The following BMP2 variants were observed in gnomAD, a reference collection of about 807,000 sequenced individuals.
BMP2 encodes bone morphogenetic protein 2A.
A neutral mutation model predicts 28.8 loss-of-function variants in BMP2; 2 were observed. The observed-to-expected ratio is 0.07, with a 90% CI of 0.03 to 0.22. The LOEUF (loss-of-function observed/expected upper bound fraction) is 0.22. Among genes scored for constraint, BMP2 ranks in the 10% least tolerant of loss-of-function variants. The pLI, the probability that BMP2 is intolerant of heterozygous loss-of-function variation, is 1.00. For synonymous variants in BMP2, 218 were observed against 204.3 expected, an observed-to-expected ratio of 1.07 and a Z score of -0.57; for missense variants, 437 against 517.7, an observed-to-expected ratio of 0.84 and a Z score of 1.51.
At position 6,779,966 on chromosome 20, in the gene BMP2, T is replaced by C. The variant is rs968185654; in HGVS notation, c.*877T>C. 6.6e-6 allele frequency: 1 copy of C among 152,604 alleles called. No homozygotes were observed. The highest frequency in any genetic ancestry group is 2.4e-5 in the African/African-American group (1 of 41,458). The allele number at this position is 152,604 out of a possible 1,614,324, so 9.5% of individuals were successfully genotyped here. A position where few individuals can be genotyped will look rare whatever the true frequency, so the allele number is the denominator to read the frequency against. On this transcript the variant is annotated 3_prime_UTR_variant, in exon 3 of 3. Transcript: ENST00000378827. ...ACGTAAGATTTCTTCATTATTGATATTGTGGTCATATATATTTAAAATTGA... is the reference window on the plus strand; with the variant it reads ...ACGTAAGATTTCTTCATTATTGATACTGTGGTCATATATATTTAAAATTGA...
rs1018389484 is a variant in BMP2, at chr20:6,768,056, C to A, written c.-827C>A. ...AGCACCTACTGCAGGAGATCGGGGGCCTGGGACGCGCTGGCCGAGGTGTGA... is the reference window on the plus strand; with the variant it reads ...AGCACCTACTGCAGGAGATCGGGGGACTGGGACGCGCTGGCCGAGGTGTGA... On this transcript the variant is annotated 5_prime_UTR_variant, in exon 1 of 3. Transcript: ENST00000378827. 1 of 398,074 alleles carries A rather than the reference C, an allele frequency of 2.5e-6. No homozygotes were observed. Among genetic ancestry groups the A allele is most frequent in the Non-Finnish European group, 4.4e-6 (1 of 225,882 alleles). The allele number at this position is 398,074 out of a possible 1,614,324, so 24.7% of individuals were successfully genotyped here. A position where few individuals can be genotyped will look rare whatever the true frequency, so the allele number is the denominator to read the frequency against.
At chr20:6,772,397 A>G (rs1212326011) in intron 2 of BMP2, among the ~76,000 whole-genome samples, 1 of 152,202 alleles carries the variant, frequency 6.6e-6, no homozygotes, top group African/African-American at 2.4e-5. Flanking sequence ...TTTTGCCCCA[A>G]ATTTCAACTA....
At position 6,768,844 on chromosome 20, in the gene BMP2, G is replaced by A. The variant is rs546017272; in HGVS notation, c.-39G>A. On this transcript the variant is annotated 5_prime_UTR_variant, in exon 1 of 3. The change creates a new upstream start codon in the 5' untranslated region. Transcript: ENST00000378827. ...GCTCTTTCAATGGACGTGTCCCCGC[G>A]TGCTTCTTAGACGGACTGCGGTCTC... 1.3e-5 allele frequency: 5 copies of A among 397,076 alleles called. No individual in the cohort carries two copies. The South Asian group carries it at 6.4e-4, about 51-fold the overall frequency. 24.6% of individuals were successfully genotyped at this position (397,076 alleles called of 1,614,324 possible). A position where few individuals can be genotyped will look rare whatever the true frequency, so the allele number is the denominator to read the frequency against.
At chr20:6,771,071 A>G (rs751903465) in intron 2 of BMP2, among the ~76,000 whole-genome samples, 6 of 152,166 alleles carry the variant, frequency 3.9e-5, no homozygotes, top group Non-Finnish European at 7.3e-5. Context: ...TGTTTCCACA[A>G]TGACTTTCTT....
At chr20:6,771,634 G>A (rs984177154) in intron 2 of BMP2, among the ~76,000 whole-genome samples, 1 of 152,194 alleles carries the variant, frequency 6.6e-6, no homozygotes, top group Admixed American at 6.5e-5. Context: ...GAGAGTATTT[G>A]TTGGTAATGG....
intron 2 of BMP2, 137 bp downstream of exon 2, chr20:6,770,609 G>GC: frequency 1.2e-6 from 1 of 860,362 alleles, no homozygotes; most frequent in Non-Finnish European, 1.7e-6. Flanking sequence ...CTGTACTATC[G>GC]TTTCTGAATC....
At chr20:6,769,005 GA>G (rs1435923907) in intron 1 of BMP2, 130 bp downstream of exon 1, 1 of 396,662 alleles carries the variant, frequency 2.5e-6, no homozygotes, top group Non-Finnish European at 4.4e-6. Flanking sequence ...ACGTGCAACG[GA>G]GCCCTGCAGG....
At chr20:6,776,297 A>G (rs1986499605) in intron 2 of BMP2, among the ~76,000 whole-genome samples, 1 of 152,166 alleles carries the variant, frequency 6.6e-6, no homozygotes, top group Non-Finnish European at 1.5e-5. Context: ...TAATAGGCAC[A>G]AGGGAACCCT....
intron 1 of BMP2, among the ~76,000 whole-genome samples, chr20:6,769,297 G>C (rs192530022): frequency 7.9e-5 from 12 of 152,240 alleles, no homozygotes; most frequent in African/African-American, 2.4e-4. Context: ...CGGGAGACTT[G>C]GTTTCTTTGC....
Position 6,779,141 on chromosome 20 carries a change from AAG to A in BMP2, c.*54_*55del. The A allele has an allele frequency of 1.0e-6, 1 of 957,302 alleles. No homozygotes were observed. Among genetic ancestry groups the A allele is most frequent in the Non-Finnish European group, 1.3e-6 (1 of 754,260 alleles). 59.3% of individuals were successfully genotyped at this position (957,302 alleles called of 1,614,324 possible). Reference sequence around the variant, plus strand: ...ATATATATATATATATTTTAGAAAAAAGAAAAAAACAAACAAACAAAAAAACC... The same window carrying A: ...ATATATATATATATATTTTAGAAAAAAAAAAAACAAACAAACAAAAAAACC... On this transcript the variant is annotated 3_prime_UTR_variant, in exon 3 of 3. Coordinates refer to ENST00000378827, the MANE Select transcript of BMP2 (RefSeq NM_001200.4).
intron 2 of BMP2, among the ~76,000 whole-genome samples, chr20:6,772,206 C>T (rs944469015): frequency 7.2e-5 from 11 of 152,138 alleles, no homozygotes; most frequent in Non-Finnish European, 1.5e-4. Context: ...ACAGGCTACA[C>T]GTTATTCAAC....
rs1471309938 is a variant in BMP2, at chr20:6,779,302, G to C, written c.*213G>C. On this transcript the variant is annotated 3_prime_UTR_variant, in exon 3 of 3. Coordinates refer to ENST00000378827, the MANE Select transcript of BMP2 (RefSeq NM_001200.4). Reference sequence around the variant, plus strand: ...TGGGAAAACAAATATTTTAATCAGAGAATTATTCCTTAAAGATTTAAAATG... The same window carrying C: ...TGGGAAAACAAATATTTTAATCAGACAATTATTCCTTAAAGATTTAAAATG... 1 of 181,664 alleles carries C rather than the reference G, an allele frequency of 5.5e-6. No homozygotes were observed. Among genetic ancestry groups the C allele is most frequent in the Admixed American group, 6.1e-5 (1 of 16,348 alleles). 11.3% of individuals were successfully genotyped at this position (181,664 alleles called of 1,614,324 possible).
Position 6,778,820 on chromosome 20 carries a change from G to A in BMP2, c.922G>A (p.Val308Met), listed in dbSNP as rs758959332. The change falls in exon 3 of 3, where the codon GTG becomes ATG. Residue 308 changes from valine to methionine, a missense_variant. Val to Met is a conservative substitution (Grantham distance 21, BLOSUM62 1). Around this residue, in one of 2 missense-constraint regions of BMP2, gnomAD observed 74 missense variants for 124.9 expected, o/e 0.59. Coordinates refer to ENST00000378827, the MANE Select transcript of BMP2 (RefSeq NM_001200.4). The surrounding 1 kb of genome is among the most constrained non-coding windows in gnomAD (Gnocchi z 5.0). Reference sequence around the variant, plus strand: ...CCCTTTGTACGTGGACTTCAGTGACGTGGGGTGGAATGACTGGATTGTGGC... The same window carrying A: ...CCCTTTGTACGTGGACTTCAGTGACATGGGGTGGAATGACTGGATTGTGGC... Reference protein sequence around the residue: ...RHPLYVDFSDVGWNDWIVAPP... With the variant: ...RHPLYVDFSDMGWNDWIVAPP... 5 of 1,614,044 alleles carry A rather than the reference G, an allele frequency of 3.1e-6. No individual in the cohort carries two copies. The highest frequency in any genetic ancestry group is 1.3e-5 in the African/African-American group (1 of 74,922).
chr20:6,772,879 T>C (rs576821384), intron 2 of BMP2, among the ~76,000 whole-genome samples: 1 of 152,356 alleles, frequency 6.6e-6, no homozygotes, highest in South Asian at 2.1e-4. Flanking sequence ...TAAAATGTTA[T>C]TGTTTTCAAG....
rs1004401265 is a variant in BMP2, at chr20:6,768,710, G to A, written c.-173G>A. 1 of 397,154 alleles carries A rather than the reference G, an allele frequency of 2.5e-6. No homozygotes were observed. The highest frequency in any genetic ancestry group is 4.4e-6 in the Non-Finnish European group (1 of 225,422). The allele number at this position is 397,154 out of a possible 1,614,324, so 24.6% of individuals were successfully genotyped here. ...GACACTGAGACGCTGTTCCCAGCGTGAAAAGAGAGACTGCGCGGCCGGCAC... is the reference window on the plus strand; with the variant it reads ...GACACTGAGACGCTGTTCCCAGCGTAAAAAGAGAGACTGCGCGGCCGGCAC... On this transcript the variant is annotated 5_prime_UTR_variant, in exon 1 of 3. Transcript: ENST00000378827.
At chr20:6,770,493 T>C in intron 2 of BMP2, 21 bp downstream of exon 2, 1 of 1,559,642 alleles carries the variant, frequency 6.4e-7, no homozygotes, top group Admixed American at 1.8e-5. Flanking sequence ...GAGCAGGGCG[T>C]GGGGGCGGGG....
Position 6,768,400 on chromosome 20 carries a change from C to T in BMP2, c.-483C>T, listed in dbSNP as rs1172849238. ...CGGAGCTAGCGCGGAGCGCCCGACC[C>T]TCGACCCCCGAGTCCCGGAGCCGGC... On this transcript the variant is annotated 5_prime_UTR_variant, in exon 1 of 3. Coordinates refer to ENST00000378827, the MANE Select transcript of BMP2 (RefSeq NM_001200.4). 1 of 395,014 alleles carries T rather than the reference C, an allele frequency of 2.5e-6. No individual in the cohort carries two copies. The highest frequency in any genetic ancestry group is 2.1e-5 in the African/African-American group (1 of 48,416). The allele number at this position is 395,014 out of a possible 1,614,324, so 24.5% of individuals were successfully genotyped here. A position where few individuals can be genotyped will look rare whatever the true frequency, so the allele number is the denominator to read the frequency against.
Sources: gnomAD v4.1 joint callset for allele counts (sites outside exome capture counted in the v4.1 genomes callset) on GRCh38, gnomAD v4.1.1 for gene constraint, gnomAD v4.1.1 regional missense constraint, Gnocchi (gnomAD v3.1) non-coding constraint, MANE v1.5 for transcripts, NCBI Gene and HGNC (gene_info 2026-07-23, HGNC 2026-07-21) for gene names.